ZNF385B: variants seen among roughly 807,000 people sequenced by gnomAD.
ZNF385B encodes the protein zinc finger protein 533.
ZNF385B carries 23 observed loss-of-function variants against 39.2 expected under a neutral mutation model. That is an observed-to-expected ratio of 0.59 (90% CI 0.42 to 0.83). The LOEUF is 0.83. Among genes scored for constraint, ZNF385B ranks in the 40% least tolerant of loss-of-function variants. The pLI, the probability that ZNF385B is intolerant of heterozygous loss-of-function variation, is 0.00. For synonymous variants in ZNF385B, 205 were observed against 222.6 expected, an observed-to-expected ratio of 0.92 and a Z score of 0.70; for missense variants, 552 against 598.9, an observed-to-expected ratio of 0.92 and a Z score of 0.82.
At chr2:179,824,720 G>A (rs1429821584) in intron 1 of ZNF385B, among the ~76,000 whole-genome samples, 1 of 151,604 alleles carries the variant, frequency 6.6e-6, no homozygotes, top group Non-Finnish European at 1.5e-5. Flanking sequence ...CATATGGAAG[G>A]GCATATGGTT....
intron 1 of ZNF385B, among the ~76,000 whole-genome samples, chr2:179,833,093 A>G (rs887796105): frequency 6.6e-6 from 1 of 152,126 alleles, no homozygotes; most frequent in South Asian, 2.1e-4. Context: ...GTACATGTAT[A>G]TGTGTGTATA....
intron 6 of ZNF385B, among the ~76,000 whole-genome samples, chr2:179,480,461 G>C (rs77229136): frequency 0.017 from 2,559 of 152,242 alleles, 72 homozygotes; most frequent in African/African-American, 0.058. Flanking sequence ...ATGAAAGCCA[G>C]ATATCAACAA....
intron 3 of ZNF385B, among the ~76,000 whole-genome samples, chr2:179,600,946 A>C (rs903881145): frequency 6.6e-6 from 1 of 152,216 alleles, no homozygotes; most frequent in African/African-American, 2.4e-5. Flanking sequence ...TCACTGAAGG[A>C]AATGGTGTAG....
At chr2:179,694,036 C>T (rs1260777491) in intron 3 of ZNF385B, among the ~76,000 whole-genome samples, 1 of 152,150 alleles carries the variant, frequency 6.6e-6, no homozygotes, top group Non-Finnish European at 1.5e-5. Flanking sequence ...TTAATAGACT[C>T]ATTTATCTTC....
At chr2:179,691,517 A>G (rs936932465) in intron 3 of ZNF385B, among the ~76,000 whole-genome samples, 2 of 152,210 alleles carry the variant, frequency 1.3e-5, no homozygotes, top group Admixed American at 1.3e-4. Context: ...AGAAACTCCG[A>G]GGAACAAAAA....
chr2:179,735,923 C>T (rs532881811), intron 3 of ZNF385B, among the ~76,000 whole-genome samples: 33 of 149,894 alleles, frequency 2.2e-4, no homozygotes, highest in South Asian at 1.7e-3. Flanking sequence ...GGGAGATATA[C>T]CTAATGCTAG....
At chr2:179,485,478 A>G in intron 5 of ZNF385B, among the ~76,000 whole-genome samples, 1 of 152,092 alleles carries the variant, frequency 6.6e-6, no homozygotes, top group Admixed American at 6.6e-5. Flanking sequence ...ACATCCAGCC[A>G]TAGCTAGTTC....
rs560965559 is a variant in ZNF385B, at chr2:179,461,408, G to T, written c.716-14638C>A. Among the ~76,000 whole-genome samples the T allele has an allele frequency of 7.9e-5, 12 of 152,270 alleles. No individual in the cohort carries two copies. The South Asian group carries it at 1.9e-3, about 24-fold the overall frequency. On this transcript the variant is annotated intron_variant, in intron 6 of 9. Transcript: ENST00000410066. ...TGGTAGTGGTAGAGAATTGAGCAGT[G>T]GTTTCAGAATATATTTGTATGTAGA...
At chr2:179,708,417 T>C (rs1699773163) in intron 3 of ZNF385B, among the ~76,000 whole-genome samples, 1 of 152,188 alleles carries the variant, frequency 6.6e-6, no homozygotes, top group Non-Finnish European at 1.5e-5. Flanking sequence ...AGTACCTTTA[T>C]AGCAATGTGA....
rs377624850 is a variant in ZNF385B, at chr2:179,805,340, T to G, written c.-154-34668A>C. ...TGCAACTCTAGGCATCATCACATGCTCAATAGATTTTAGCCCATAGATGTG... is the reference window on the plus strand; with the variant it reads ...TGCAACTCTAGGCATCATCACATGCGCAATAGATTTTAGCCCATAGATGTG... On this transcript the variant is annotated intron_variant, in intron 1 of 9. Coordinates refer to ENST00000410066, the MANE Select transcript of ZNF385B (RefSeq NM_152520.6). 8.5e-5 allele frequency among the ~76,000 whole-genome samples: 13 copies of G among 152,250 alleles called. No homozygotes were observed. The South Asian group carries it at 2.1e-3, about 24-fold the overall frequency.
chr2:179,457,384 A>G (rs1039406473), intron 6 of ZNF385B, among the ~76,000 whole-genome samples: 2 of 152,082 alleles, frequency 1.3e-5, no homozygotes, highest in African/African-American at 4.8e-5. Context: ...CATTTTTGTT[A>G]TGTATATATA....
At chr2:179,504,601 T>C (rs893182106) in intron 5 of ZNF385B, among the ~76,000 whole-genome samples, 3 of 151,854 alleles carry the variant, frequency 2.0e-5, no homozygotes, top group Admixed American at 2.0e-4. Flanking sequence ...TCATAGTGGT[T>C]TTGATTTGCA....
chr2:179,445,531 C>T lies in ZNF385B; in HGVS notation c.1140+19G>A, dbSNP rs1348279487. ...TGGTGACCTAAAACAATAATGTTTA[C>T]TAATTCAGGATACGTTACCTGTTTG... On this transcript the variant is annotated intron_variant, in intron 8 of 9. Transcript: ENST00000410066. The T allele has an allele frequency of 6.3e-7, 1 of 1,597,942 alleles. No individual in the cohort carries two copies. The highest frequency in any genetic ancestry group is 2.2e-5 in the East Asian group (1 of 44,652).
chr2:179,638,368 A>C (rs1009246666), intron 3 of ZNF385B, among the ~76,000 whole-genome samples: 1 of 152,224 alleles, frequency 6.6e-6, no homozygotes. Context: ...CTAAGGACAA[A>C]AAGAATTTTA....
chr2:179,636,439 A>C (rs918330757), intron 3 of ZNF385B, among the ~76,000 whole-genome samples: 8 of 152,180 alleles, frequency 5.3e-5, no homozygotes, highest in Admixed American at 4.6e-4. Context: ...CTTCTGCCCA[A>C]AGCTACCCCC....
At chr2:179,541,107 A>G (rs1006219887) in intron 4 of ZNF385B, among the ~76,000 whole-genome samples, 2 of 152,204 alleles carry the variant, frequency 1.3e-5, no homozygotes, top group Non-Finnish European at 2.9e-5. Flanking sequence ...TCCTCCAAGC[A>G]TGTGTCCTTG....
At chr2:179,800,856 T>C (rs1440266411) in intron 1 of ZNF385B, among the ~76,000 whole-genome samples, 1 of 152,152 alleles carries the variant, frequency 6.6e-6, no homozygotes, top group Non-Finnish European at 1.5e-5. Flanking sequence ...TCAGACACAC[T>C]TCAGCTTATA....
At position 179,746,373 on chromosome 2, in the gene ZNF385B, T is replaced by G. The variant is rs190499191; in HGVS notation, c.298+23130A>C. On this transcript the variant is annotated intron_variant, in intron 3 of 9. Coordinates refer to ENST00000410066, the MANE Select transcript of ZNF385B (RefSeq NM_152520.6). ...CTTCGCTATAGACAAATGAAATCAC[T>G]GGAGACTATGACAATTATAACAAAA... Among the ~76,000 whole-genome samples, 13 of 152,256 alleles carry G rather than the reference T, an allele frequency of 8.5e-5. No individual in the cohort carries two copies. In the East Asian group the frequency reaches 2.5e-3, roughly 29 times the overall value.
At chr2:179,632,049 A>G (rs1463596829) in intron 3 of ZNF385B, among the ~76,000 whole-genome samples, 1 of 152,184 alleles carries the variant, frequency 6.6e-6, no homozygotes, top group Non-Finnish European at 1.5e-5. Flanking sequence ...CAGGTCTCTA[A>G]GCAAATCCTT....
Sources: gnomAD v4.1 joint callset for allele counts (sites outside exome capture counted in the v4.1 genomes callset) on GRCh38, gnomAD v4.1.1 for gene constraint, MANE v1.5 for transcripts, NCBI Gene and HGNC (gene_info 2026-07-23, HGNC 2026-07-21) for gene names.